The following NBAS variants were observed in gnomAD, a reference collection of about 807,000 sequenced individuals.
NBAS encodes NBAS subunit of NRZ tethering complex.
In NBAS, 219 loss-of-function variants were observed where a neutral mutation model predicts 302.5. That is an observed-to-expected ratio of 0.72 (90% confidence interval 0.65 to 0.81). The LOEUF is 0.81. Among genes scored for constraint, NBAS ranks in the 30% least tolerant of loss-of-function variants. NBAS has a pLI of 0.00. For missense variants in NBAS, 2,932 were observed against 2,841.6 expected, an observed-to-expected ratio of 1.03 and a Z score of -0.72; for synonymous variants, 1,118 against 1,021.6, an observed-to-expected ratio of 1.09 and a Z score of -1.80.
chr2:15,078,539 C>T, the NBAS span, among the ~76,000 whole-genome samples: 1 of 152,170 alleles, frequency 6.6e-6, no homozygotes, highest in Non-Finnish European at 1.5e-5. Context: ...GACTTTTCAG[C>T]CTGGTGTGCA....
intron 8 of NBAS, among the ~76,000 whole-genome samples, chr2:15,535,910 G>C (rs1663484613): frequency 6.6e-6 from 1 of 152,170 alleles, no homozygotes; most frequent in South Asian, 2.1e-4. Context: ...TGTTCTGGGA[G>C]TGGGTATGGA....
At chr2:15,500,664 G>A (rs978632917) in intron 11 of NBAS, among the ~76,000 whole-genome samples, 2 of 151,902 alleles carry the variant, frequency 1.3e-5, no homozygotes, top group African/African-American at 2.4e-5. Flanking sequence ...GGCCAGGTGC[G>A]GTGGCTCACG....
At chr2:14,849,649 T>C in the NBAS span, among the ~76,000 whole-genome samples, 1 of 140,436 alleles carries the variant, frequency 7.1e-6, no homozygotes. Flanking sequence ...AAAGTTGAAA[T>C]GAAGGAAAAA....
chr2:15,133,911 C>T, the NBAS span, among the ~76,000 whole-genome samples: 1 of 152,144 alleles, frequency 6.6e-6, no homozygotes, highest in South Asian at 2.1e-4. Flanking sequence ...AAGGGATCAG[C>T]CTTTAGACTT....
chr2:15,091,376 T>A, the NBAS span, among the ~76,000 whole-genome samples: 10 of 152,142 alleles, frequency 6.6e-5, no homozygotes, highest in African/African-American at 1.9e-4. Context: ...CTCTTTTTCC[T>A]CCTTCTCAGC....
At chr2:15,374,251 A>G (rs2148358760) in intron 31 of NBAS, among the ~76,000 whole-genome samples, 1 of 152,348 alleles carries the variant, frequency 6.6e-6, no homozygotes, top group Admixed American at 6.5e-5. Flanking sequence ...ATGCAATGGA[A>G]ACAAAATACA....
intron 11 of NBAS, among the ~76,000 whole-genome samples, chr2:15,499,816 T>C (rs1180969226): frequency 6.6e-6 from 1 of 152,208 alleles, no homozygotes; most frequent in Non-Finnish European, 1.5e-5. Context: ...AATGAGACTA[T>C]TTTAAAACGT....
the NBAS span, among the ~76,000 whole-genome samples, chr2:15,136,309 T>A: frequency 6.6e-6 from 1 of 152,212 alleles, no homozygotes; most frequent in Non-Finnish European, 1.5e-5. Context: ...GACAGTCATA[T>A]CAGAGCCTAT....
intron 47 of NBAS, among the ~76,000 whole-genome samples, chr2:15,223,087 G>C (rs1292076526): frequency 6.6e-6 from 1 of 152,224 alleles, no homozygotes; most frequent in African/African-American, 2.4e-5. Context: ...AAACGACACA[G>C]AAATGAAAGG....
chr2:15,210,542 A>C (rs1422038168), intron 48 of NBAS, among the ~76,000 whole-genome samples: 3 of 152,106 alleles, frequency 2.0e-5, no homozygotes, highest in African/African-American at 7.2e-5. Flanking sequence ...ATTAGTACAA[A>C]AACTATGGAG....
chr2:15,074,397 G>C, the NBAS span, among the ~76,000 whole-genome samples: 6 of 143,622 alleles, frequency 4.2e-5, no homozygotes, highest in Admixed American at 1.4e-4. Context: ...ATGGAAGGAG[G>C]GGGGGAGGGA....
chr2:15,131,065 T>C, the NBAS span, among the ~76,000 whole-genome samples: 1 of 152,216 alleles, frequency 6.6e-6, no homozygotes, highest in Non-Finnish European at 1.5e-5. Context: ...CTAAAGGGCT[T>C]TCAAGTAAGG....
chr2:14,821,071 C>T, the NBAS span, among the ~76,000 whole-genome samples: 3 of 152,126 alleles, frequency 2.0e-5, no homozygotes, highest in Non-Finnish European at 2.9e-5. Flanking sequence ...GGACTACAGG[C>T]GCCCGCCACC....
At chr2:15,479,453 C>T (rs537666257) in intron 12 of NBAS, among the ~76,000 whole-genome samples, 1 of 152,276 alleles carries the variant, frequency 6.6e-6, no homozygotes, top group African/African-American at 2.4e-5. Context: ...ATGCATGCCA[C>T]CATGTATTTA....
At chr2:15,000,375 A>T in the NBAS span, among the ~76,000 whole-genome samples, 1 of 152,336 alleles carries the variant, frequency 6.6e-6, no homozygotes, top group South Asian at 2.1e-4. Flanking sequence ...TATTTAACCC[A>T]GTTTTACAAA....
the NBAS span, among the ~76,000 whole-genome samples, chr2:15,126,515 A>G: frequency 5.4e-3 from 820 of 152,090 alleles, 4 homozygotes; most frequent in Middle Eastern, 0.031. Context: ...CACTGGGAAA[A>G]CTCTGAGATC....
chr2:14,924,419 G>A, the NBAS span, among the ~76,000 whole-genome samples: 1 of 152,204 alleles, frequency 6.6e-6, no homozygotes, highest in Non-Finnish European at 1.5e-5. Flanking sequence ...TGAATCCACA[G>A]AGCCACCACA....
chr2:15,561,121 G>A (rs1360034888), intron 1 of NBAS, 67 bp downstream of exon 1: 1 of 1,333,508 alleles, frequency 7.5e-7, no homozygotes, highest in African/African-American at 1.5e-5. Flanking sequence ...CGTGGCTCCT[G>A]CTACGTGGCT....
the NBAS span, among the ~76,000 whole-genome samples, chr2:14,974,188 A>G: frequency 6.6e-6 from 1 of 152,234 alleles, no homozygotes; most frequent in East Asian, 1.9e-4. Flanking sequence ...AAGCTCCTTG[A>G]GGGAAGATAC....
Sources: gnomAD v4.1 joint callset for allele counts (sites outside exome capture counted in the v4.1 genomes callset) on GRCh38, gnomAD v4.1.1 for gene constraint, MANE v1.5 for transcripts, NCBI Gene and HGNC (gene_info 2026-07-23, HGNC 2026-07-21) for gene names.